The following SRD5A2 variants were observed in gnomAD, a reference collection of about 807,000 sequenced individuals.
SRD5A2 encodes the protein 3-oxo-5-alpha-steroid 4-dehydrogenase 2.
SRD5A2 carries 30 observed loss-of-function variants against 27.4 expected under a neutral mutation model. The ratio of observed to expected loss-of-function variants is 1.10; its 90% CI spans 0.82 to 1.49. SRD5A2 has a LOEUF of 1.49. Among genes scored for constraint, SRD5A2 ranks in the 40% most tolerant of loss-of-function variants. The pLI is 0.00. For synonymous variants in SRD5A2, 141 were observed against 133.6 expected, an observed-to-expected ratio of 1.06 and a Z score of -0.38; for missense variants, 348 against 323.4, an observed-to-expected ratio of 1.08 and a Z score of -0.58.
chr2:31,559,352 AC>A (rs1403138160), intron 1 of SRD5A2, among the ~76,000 whole-genome samples: 3 of 152,228 alleles, frequency 2.0e-5, no homozygotes, highest in African/African-American at 7.2e-5. Flanking sequence ...TTCCCTGGAA[AC>A]CACTCTTTGA....
the SRD5A2 span, among the ~76,000 whole-genome samples, chr2:31,598,767 C>T: frequency 5.3e-5 from 8 of 151,484 alleles, no homozygotes; most frequent in African/African-American, 1.9e-4. Context: ...AGGAAGAGAA[C>T]ACAAAACAAA....
rs867198056 is a variant in SRD5A2 at position 31,580,637 on chromosome 2, G to A, written c.264C>T (p.Cys88=). 1 of 1,579,720 alleles carries A rather than the reference G, an allele frequency of 6.3e-7. No homozygotes were observed. The highest frequency in any genetic ancestry group is 1.3e-5 in the African/African-American group (1 of 74,572). Residue 88 remains cysteine, a synonymous_variant, in exon 1 of 5, where the codon TGC becomes TGT. Transcript: ENST00000622030. ...PPGTVLLGLF[C]LHYFHRTFVY... is the part of the protein sequence containing the mutation. ...AACGCTACCTGTGGAAGTAATGTAG[G>A]CAGAAGAGGCCCAGAAGTACCGTCC...
At chr2:31,568,937 C>T (rs1666793574) in intron 1 of SRD5A2, among the ~76,000 whole-genome samples, 2 of 152,270 alleles carry the variant, frequency 1.3e-5, no homozygotes, top group South Asian at 4.1e-4. Context: ...CTTTGTTCCA[C>T]CCCAGAGCAG....
intron 1 of SRD5A2, among the ~76,000 whole-genome samples, chr2:31,555,179 C>T (rs992140650): frequency 2.0e-5 from 3 of 151,808 alleles, no homozygotes; most frequent in South Asian, 2.1e-4. Flanking sequence ...TCCCACATGT[C>T]GCTCAAGAAA....
the SRD5A2 span, among the ~76,000 whole-genome samples, chr2:31,626,460 T>G: frequency 2.0e-5 from 3 of 152,158 alleles, no homozygotes; most frequent in Non-Finnish European, 2.9e-5. Context: ...TGCTTCCAGT[T>G]TTTGCCCATT....
chr2:31,614,942 G>A, the SRD5A2 span, among the ~76,000 whole-genome samples: 1 of 152,046 alleles, frequency 6.6e-6, no homozygotes, highest in Non-Finnish European at 1.5e-5. Flanking sequence ...GCATAGTAGT[G>A]AATAAGTCTC....
At chr2:31,555,877 G>A (rs1248950556) in intron 1 of SRD5A2, among the ~76,000 whole-genome samples, 1 of 152,142 alleles carries the variant, frequency 6.6e-6, no homozygotes, top group Admixed American at 6.5e-5. Context: ...GGGTAAAGTA[G>A]GAAGATCTCT....
At chr2:31,593,629 G>T in the SRD5A2 span, among the ~76,000 whole-genome samples, 1 of 152,164 alleles carries the variant, frequency 6.6e-6, no homozygotes, top group Non-Finnish European at 1.5e-5. Context: ...TTATTTGAGG[G>T]AGCAATTGAG....
chr2:31,543,424 C>A (rs1023417478), intron 1 of SRD5A2, among the ~76,000 whole-genome samples: 1 of 152,052 alleles, frequency 6.6e-6, no homozygotes, highest in Non-Finnish European at 1.5e-5. Flanking sequence ...AACAATGTTT[C>A]TTGACTTTGT....
intron 2 of SRD5A2, among the ~76,000 whole-genome samples, chr2:31,533,367 G>C (rs1173198507): frequency 6.6e-6 from 1 of 152,196 alleles, no homozygotes; most frequent in Non-Finnish European, 1.5e-5. Context: ...GAAGGAATTT[G>C]TATTTTATTT....
the SRD5A2 span, among the ~76,000 whole-genome samples, chr2:31,648,510 C>G: frequency 6.6e-6 from 1 of 152,276 alleles, no homozygotes; most frequent in Admixed American, 6.5e-5. Flanking sequence ...TCATTATGGA[C>G]CAAATTTTAT....
chr2:31,593,166 C>T, the SRD5A2 span, among the ~76,000 whole-genome samples: 3 of 151,986 alleles, frequency 2.0e-5, no homozygotes, highest in East Asian at 1.9e-4. Context: ...TGCTAAATGA[C>T]GAGTTAATGG....
At chr2:31,601,114 C>G in the SRD5A2 span, among the ~76,000 whole-genome samples, 1 of 151,774 alleles carries the variant, frequency 6.6e-6, no homozygotes, top group Non-Finnish European at 1.5e-5. Context: ...AAAAATCCTT[C>G]AAAAAATCAA....
chr2:31,589,980 C>T, the SRD5A2 span, among the ~76,000 whole-genome samples: 26 of 152,044 alleles, frequency 1.7e-4, no homozygotes, highest in Non-Finnish European at 3.5e-4. Context: ...GAGTGAGGCC[C>T]GTCACTGCCT....
intron 1 of SRD5A2, among the ~76,000 whole-genome samples, chr2:31,565,075 A>G (rs1460343775): frequency 2.0e-5 from 3 of 151,976 alleles, no homozygotes; most frequent in Non-Finnish European, 4.4e-5. Context: ...AGGGCAAGAG[A>G]GAAGAAATGG....
the SRD5A2 span, among the ~76,000 whole-genome samples, chr2:31,588,062 G>A: frequency 6.6e-6 from 1 of 152,000 alleles, no homozygotes; most frequent in Non-Finnish European, 1.5e-5. Flanking sequence ...AAAATATACA[G>A]TCAGAGGAGA....
At chr2:31,561,285 A>G (rs527644072) in intron 1 of SRD5A2, among the ~76,000 whole-genome samples, 2 of 152,270 alleles carry the variant, frequency 1.3e-5, no homozygotes, top group African/African-American at 4.8e-5. Context: ...TTAGCACAGC[A>G]ATATTAACCT....
chr2:31,580,328 G>A (rs1357394393), intron 1 of SRD5A2, among the ~76,000 whole-genome samples: 1 of 152,232 alleles, frequency 6.6e-6, no homozygotes, highest in Non-Finnish European at 1.5e-5. Flanking sequence ...GTCGCCTCCC[G>A]CCCGCAGGAC....
the SRD5A2 span, among the ~76,000 whole-genome samples, chr2:31,592,089 T>TA: frequency 6.4e-3 from 876 of 136,328 alleles, 5 homozygotes; most frequent in South Asian, 0.024. Flanking sequence ...AAGTATAATT[T>TA]AAAAAAAAAC....
Sources: gnomAD v4.1 joint callset for allele counts (sites outside exome capture counted in the v4.1 genomes callset) on GRCh38, gnomAD v4.1.1 for gene constraint, MANE v1.5 for transcripts, NCBI Gene and HGNC (gene_info 2026-07-23, HGNC 2026-07-21) for gene names.